ANO10: variants seen among roughly 807,000 people sequenced by gnomAD.
The protein encoded by ANO10 is anoctamin-10.
A neutral mutation model predicts 74.7 loss-of-function variants in ANO10; 77 were observed. The ratio of observed to expected loss-of-function variants is 1.03; its 90% CI spans 0.86 to 1.25. The LOEUF is 1.25. Among genes scored for constraint, ANO10 ranks in the 50% most tolerant of loss-of-function variants. ANO10 has a pLI of 0.00. For synonymous variants in ANO10, 279 were observed against 284.9 expected, an observed-to-expected ratio of 0.98 and a Z score of 0.21; for missense variants, 721 against 778.1, an observed-to-expected ratio of 0.93 and a Z score of 0.87.
chr3:43,444,674 A>G (rs2093214997), intron 11 of ANO10, among the ~76,000 whole-genome samples: 1 of 152,172 alleles, frequency 6.6e-6, no homozygotes, highest in Non-Finnish European at 1.5e-5. Flanking sequence ...GCCACAGGAA[A>G]GTGGGTGGCT....
intron 11 of ANO10, among the ~76,000 whole-genome samples, chr3:43,456,164 A>G (rs2075117361): frequency 4.6e-5 from 7 of 152,322 alleles, no homozygotes; most frequent in Admixed American, 3.3e-4. Flanking sequence ...CAACACCTGC[A>G]CAGTCATTAG....
intron 12 of ANO10, 118 bp from the exon 13 acceptor site, chr3:43,367,092 T>C: frequency 1.1e-6 from 1 of 935,888 alleles, no homozygotes; most frequent in Non-Finnish European, 1.7e-6. Context: ...GTGACTCTGA[T>C]GCTGCCTGCA....
chr3:43,536,509 T>C lies in ANO10; in HGVS notation c.1797+13211A>G, dbSNP rs542236415. On this transcript the variant is annotated intron_variant, in intron 11 of 12. Transcript: ENST00000292246. ...TTTGTTCTTAAGTTTGATCAGTGAA[T>C]TCTCAAATGTATGAGAATGATGCCT... Among the ~76,000 whole-genome samples the C allele has an allele frequency of 3.3e-5, 5 of 152,342 alleles. No individual in the cohort carries two copies. In the South Asian group the frequency reaches 1.0e-3, roughly 32 times the overall value.
chr3:43,501,107 T>G (rs931324098), intron 11 of ANO10, among the ~76,000 whole-genome samples: 1 of 152,222 alleles, frequency 6.6e-6, no homozygotes, highest in Non-Finnish European at 1.5e-5. Context: ...TTTATTTGTC[T>G]CATGATTTTT....
intron 11 of ANO10, among the ~76,000 whole-genome samples, chr3:43,504,591 T>A (rs2077225311): frequency 6.6e-6 from 1 of 152,134 alleles, no homozygotes; most frequent in Admixed American, 6.5e-5. Flanking sequence ...TTATGTAGTT[T>A]AGAGGAAAAA....
chr3:43,418,022 T>C (rs2092767705), intron 12 of ANO10, among the ~76,000 whole-genome samples: 1 of 152,218 alleles, frequency 6.6e-6, no homozygotes, highest in South Asian at 2.1e-4. Flanking sequence ...CTCACGCCTG[T>C]AATCCCAGCA....
upstream of ANO10, among the ~76,000 whole-genome samples, chr3:43,623,806 C>A (rs183066170): frequency 1.3e-3 from 193 of 152,314 alleles, 1 homozygote; most frequent in Non-Finnish European, 1.7e-3. Context: ...TTTTGTGCAG[C>A]TATCTTTTTG....
chr3:43,561,063 C>T (rs1229720933), intron 9 of ANO10, among the ~76,000 whole-genome samples, 157 bp downstream of exon 9: 1 of 152,166 alleles, frequency 6.6e-6, no homozygotes, highest in Non-Finnish European at 1.5e-5. Context: ...AAGTTCTATC[C>T]CTTTCACTTT....
intron 1 of ANO10, among the ~76,000 whole-genome samples, chr3:43,682,352 C>G (rs146852301): frequency 1.4e-3 from 211 of 152,300 alleles, no homozygotes; most frequent in African/African-American, 4.9e-3. Flanking sequence ...AATTCCTCAA[C>G]ACATACACCC....
At chr3:43,626,162 G>A (rs1056966236), upstream of ANO10, among the ~76,000 whole-genome samples, 5 of 151,968 alleles carry the variant, frequency 3.3e-5, no homozygotes, top group South Asian at 2.1e-4. Flanking sequence ...TCGAACTCTT[G>A]ACCTCAAGTG....
At chr3:43,589,412 C>T (rs1256894861) in intron 4 of ANO10, among the ~76,000 whole-genome samples, 1 of 152,078 alleles carries the variant, frequency 6.6e-6, no homozygotes, top group Non-Finnish European at 1.5e-5. Flanking sequence ...ATCGGCTGGG[C>T]GCAGTGGCTC....
At chr3:43,372,493 C>T (rs2091649744) in intron 12 of ANO10, among the ~76,000 whole-genome samples, 1 of 152,176 alleles carries the variant, frequency 6.6e-6, no homozygotes, top group South Asian at 2.1e-4. Context: ...GCAATCCAAC[C>T]TTGGTTCTGC....
intron 7 of ANO10, among the ~76,000 whole-genome samples, chr3:43,567,963 G>A (rs1036804175): frequency 2.0e-5 from 3 of 151,960 alleles, no homozygotes; most frequent in Non-Finnish European, 2.9e-5. Flanking sequence ...GACACCCACA[G>A]GCTCAAAATA....
At chr3:43,415,140 C>T (rs1463367468) in intron 12 of ANO10, among the ~76,000 whole-genome samples, 1 of 151,442 alleles carries the variant, frequency 6.6e-6, no homozygotes, top group Non-Finnish European at 1.5e-5. Context: ...ACACACGGCT[C>T]ATTATTTTCT....
At chr3:43,595,885 C>T (rs1333646165) in intron 4 of ANO10, among the ~76,000 whole-genome samples, 2 of 151,594 alleles carry the variant, frequency 1.3e-5, no homozygotes, top group Non-Finnish European at 3.0e-5. Flanking sequence ...CCAAAAATCT[C>T]CTTAAGCTGA....
At chr3:43,548,811 G>A (rs2079316845) in intron 11 of ANO10, among the ~76,000 whole-genome samples, 3 of 152,034 alleles carry the variant, frequency 2.0e-5, no homozygotes, top group East Asian at 1.9e-4. Context: ...TTTACATTTG[G>A]TTAGTGCTTA....
chr3:43,495,719 G>A (rs533893680), intron 11 of ANO10, among the ~76,000 whole-genome samples: 1 of 147,208 alleles, frequency 6.8e-6, no homozygotes, highest in Non-Finnish European at 1.5e-5. Flanking sequence ...TTTTTTTTTT[G>A]AGATGGAGTC....
At chr3:43,543,979 C>A (rs1208868229) in intron 11 of ANO10, among the ~76,000 whole-genome samples, 1 of 151,942 alleles carries the variant, frequency 6.6e-6, no homozygotes, top group African/African-American at 2.4e-5. Flanking sequence ...TTAAAACTGT[C>A]AATTAATTTA....
intron 11 of ANO10, among the ~76,000 whole-genome samples, chr3:43,449,515 C>CTTTTTTTTTTTTTTTTTTTTTTT (rs61265406): frequency 1.9e-5 from 2 of 107,138 alleles, no homozygotes; most frequent in Admixed American, 1.1e-4. Flanking sequence ...TATCTAGATT[C>CTTTTTTTTTTTTTTTTTTTTTTT]TTTTTTTTTT....
Sources: allele counts gnomAD v4.1 joint callset (sites outside exome capture counted in the v4.1 genomes callset), GRCh38; gene constraint gnomAD v4.1.1; transcripts MANE v1.5; gene names NCBI Gene and HGNC (gene_info 2026-07-23, HGNC 2026-07-21).